The following SUGCT variants were observed in gnomAD, a reference collection of about 807,000 sequenced individuals.
SUGCT encodes the protein succinyl-CoA:glutarate CoA-transferase.
Under a neutral mutation model 55.0 loss-of-function variants are expected in SUGCT, and 41 were observed. The ratio of observed to expected loss-of-function variants is 0.74; its 90% confidence interval spans 0.58 to 0.97. The LOEUF is 0.97. SUGCT is among the 50% of genes least tolerant of loss of function. The probability of loss-of-function intolerance (pLI) is 0.00; values close to 1 mark genes in which losing one functional copy is unlikely to be tolerated. For synonymous variants in SUGCT, 187 were observed against 200.4 expected (o/e 0.93, Z 0.56); for missense variants, 568 against 547.8 (o/e 1.04, Z -0.37).
chr7:40,445,320 C>G (rs993972174), intron 9 of SUGCT, among the ~76,000 whole-genome samples: 1 of 152,046 alleles, frequency 6.6e-6, no homozygotes, highest in African/African-American at 2.4e-5. Flanking sequence ...GGGGATATCA[C>G]CACTGATCCC....
At chr7:40,246,156 C>A (rs1240399930) in intron 7 of SUGCT, among the ~76,000 whole-genome samples, 1 of 152,104 alleles carries the variant, frequency 6.6e-6, no homozygotes, top group Non-Finnish European at 1.5e-5. Context: ...TTTCTATTCC[C>A]AAGCAATACT....
chr7:40,667,494 C>T (rs2151864843), intron 12 of SUGCT, among the ~76,000 whole-genome samples: 1 of 151,144 alleles, frequency 6.6e-6, no homozygotes. Flanking sequence ...CCTCGGTTTT[C>T]TGGAATAGTT....
chr7:40,334,999 T>C (rs1405254870), intron 9 of SUGCT, among the ~76,000 whole-genome samples: 1 of 152,236 alleles, frequency 6.6e-6, no homozygotes, highest in Non-Finnish European at 1.5e-5. Flanking sequence ...GCACCATTTA[T>C]TAAATAGGGA....
At chr7:40,994,453 C>A in the SUGCT span, among the ~76,000 whole-genome samples, 1 of 152,118 alleles carries the variant, frequency 6.6e-6, no homozygotes, top group Admixed American at 6.5e-5. Context: ...TTTCTAACTC[C>A]TTGACCTGAA....
At chr7:41,030,992 C>G in the SUGCT span, among the ~76,000 whole-genome samples, 1 of 152,144 alleles carries the variant, frequency 6.6e-6, no homozygotes, top group Non-Finnish European at 1.5e-5. Flanking sequence ...ATAAGAGTCT[C>G]ACTCTGCTGC....
chr7:41,036,964 G>GT, the SUGCT span, among the ~76,000 whole-genome samples: 3 of 152,288 alleles, frequency 2.0e-5, no homozygotes, highest in Middle Eastern at 6.8e-3. Flanking sequence ...AACTCAGATG[G>GT]TAAGTTAGCT....
the SUGCT span, among the ~76,000 whole-genome samples, chr7:40,936,815 C>G: frequency 1.3e-5 from 2 of 151,906 alleles, no homozygotes; most frequent in Non-Finnish European, 2.9e-5. Context: ...TCATTCATCT[C>G]AAGCTGTTTT....
chr7:40,919,693 C>A, the SUGCT span, among the ~76,000 whole-genome samples: 1 of 152,098 alleles, frequency 6.6e-6, no homozygotes, highest in Admixed American at 6.5e-5. Context: ...TCTCCTTGTT[C>A]TAGTTTCCTC....
At chr7:40,303,186 A>G (rs1474844134) in intron 8 of SUGCT, among the ~76,000 whole-genome samples, 2 of 151,634 alleles carry the variant, frequency 1.3e-5, no homozygotes, top group Non-Finnish European at 2.9e-5. Flanking sequence ...GGCGCCTGCC[A>G]CCTCGCCTGG....
At chr7:40,604,113 G>A (rs1584108565) in intron 12 of SUGCT, among the ~76,000 whole-genome samples, 1 of 152,104 alleles carries the variant, frequency 6.6e-6, no homozygotes, top group African/African-American at 2.4e-5. Flanking sequence ...GTAAAATTCC[G>A]GGCAGGCTTC....
chr7:40,639,820 T>C (rs1800188972), intron 12 of SUGCT, among the ~76,000 whole-genome samples: 1 of 152,150 alleles, frequency 6.6e-6, no homozygotes, highest in South Asian at 2.1e-4. Context: ...GCTTGCTTTT[T>C]CAGAATGTTG....
chr7:40,539,347 A>T (rs920376508), intron 12 of SUGCT: 2 of 152,186 alleles, frequency 1.3e-5, no homozygotes, highest in African/African-American at 4.8e-5. Context: ...ATGATAAAAG[A>T]GCAATAGGAA....
At chr7:40,987,326 AGTGG>A in the SUGCT span, among the ~76,000 whole-genome samples, 1 of 152,164 alleles carries the variant, frequency 6.6e-6, no homozygotes, top group Non-Finnish European at 1.5e-5. Flanking sequence ...GGATGTAGAA[AGTGG>A]TTTGAGAATG....
chr7:40,885,500 C>G, the SUGCT span, among the ~76,000 whole-genome samples: 1 of 152,144 alleles, frequency 6.6e-6, no homozygotes, highest in Non-Finnish European at 1.5e-5. Flanking sequence ...TTTGGGGACC[C>G]TTGTTCCCTT....
chr7:40,353,065 C>T (rs116789332), intron 9 of SUGCT, among the ~76,000 whole-genome samples: 2,076 of 152,184 alleles, frequency 0.014, 47 homozygotes, highest in African/African-American at 0.047. Flanking sequence ...GTTGGCCACA[C>T]GTGTCTTCTT....
chr7:40,586,096 A>G (rs1281323471), intron 12 of SUGCT, among the ~76,000 whole-genome samples: 1 of 152,154 alleles, frequency 6.6e-6, no homozygotes, highest in Non-Finnish European at 1.5e-5. Flanking sequence ...GATCCCCTAA[A>G]AGATGCTGTA....
intron 9 of SUGCT, among the ~76,000 whole-genome samples, chr7:40,326,227 T>C (rs1051077407): frequency 3.9e-5 from 6 of 152,056 alleles, no homozygotes; most frequent in African/African-American, 7.2e-5. Flanking sequence ...AAAGGCAATA[T>C]AGCAGGGAAA....
At position 40,289,194 on chromosome 7, in the gene SUGCT, T is replaced by C. The variant is rs552039267; in HGVS notation, c.720+14538T>C. 2.6e-3 allele frequency among the ~76,000 whole-genome samples: 390 copies of C among 152,242 alleles called. 1 individual carries two copies. The highest frequency in any genetic ancestry group is 6.2e-3 in the South Asian group (30 of 4,818). ...CTTGAGATGGGAGATTATCTTGGATTATCCATGTGGGCCTAATGAAACTAA... is the reference window on the plus strand; with the variant it reads ...CTTGAGATGGGAGATTATCTTGGATCATCCATGTGGGCCTAATGAAACTAA... On this transcript the variant is annotated intron_variant, in intron 8 of 13. Transcript: ENST00000335693.
chr7:40,839,242 A>G (rs2128787143), intron 13 of SUGCT, among the ~76,000 whole-genome samples: 1 of 151,962 alleles, frequency 6.6e-6, no homozygotes, highest in South Asian at 2.1e-4. Flanking sequence ...TAGTTTTGAG[A>G]CCATATTTTT....
Sources: gnomAD v4.1 joint callset for allele counts (sites outside exome capture counted in the v4.1 genomes callset) on GRCh38, gnomAD v4.1.1 for gene constraint, MANE v1.5 for transcripts, NCBI Gene and HGNC (gene_info 2026-07-23, HGNC 2026-07-21) for gene names.